The following ANKRD28 variants were observed in gnomAD, a reference collection of about 807,000 sequenced individuals.
ANKRD28 encodes the protein serine/threonine-protein phosphatase 6 regulatory ankyrin repeat subunit A.
In ANKRD28, 44 loss-of-function variants were observed where a neutral mutation model predicts 126.5. The ratio of observed to expected loss-of-function variants is 0.35; its 90% CI spans 0.27 to 0.45. ANKRD28 has a LOEUF of 0.45. Ranked by LOEUF, ANKRD28 falls within the 20% of genes least tolerant of loss-of-function variation. The pLI is 1.00. For synonymous variants in ANKRD28, 442 were observed against 468.5 expected, an observed-to-expected ratio of 0.94 and a Z score of 0.73; for missense variants, 1,110 against 1,316.6, an observed-to-expected ratio of 0.84 and a Z score of 2.43.
Position 15,812,880 on chromosome 3 carries a change from A to C in ANKRD28, c.28-17574T>G, listed in dbSNP as rs1321559007. ...TTCACAATCAGAGATTTCATAAAGAATTCAGAATTTCTAAAAGGAACATGA... is the reference window on the plus strand; with the variant it reads ...TTCACAATCAGAGATTTCATAAAGACTTCAGAATTTCTAAAAGGAACATGA... On this transcript the variant is annotated intron_variant, in intron 1 of 27. Coordinates refer to the ANKRD28 transcript ENST00000399451. This position sits in a 1 kb window ranked among gnomAD's most constrained non-coding sequence, Gnocchi z 4.1. Among the ~76,000 whole-genome samples, 2 of 152,286 alleles carry C rather than the reference A, an allele frequency of 1.3e-5. No homozygotes were observed. The highest frequency in any genetic ancestry group is 3.9e-4 in the East Asian group (2 of 5,188).
At chr3:15,832,741 A>T (rs2061232747) in intron 1 of ANKRD28, among the ~76,000 whole-genome samples, 1 of 152,220 alleles carries the variant, frequency 6.6e-6, no homozygotes, top group Non-Finnish European at 1.5e-5. Flanking sequence ...CACGGAGGAT[A>T]ATGGGCTCCA....
rs761297821 is a variant in ANKRD28, at chr3:15,795,288, T to C, written c.136A>G (p.Ile46Val). The change falls in exon 2 of 28, where the codon ATA becomes GTA. Residue 46 changes from isoleucine to valine, a missense_variant. By Grantham distance (29) the Ile-to-Val change is conservative (BLOSUM62 3). Coordinates refer to ENST00000683139, the MANE Select transcript of ANKRD28 (RefSeq NM_001349278.2). ...ACTTCATCAGGATCTCCGTTAAATATAGCTTGCACCAGTGATGGCTAAAAT... is the reference window on the plus strand; with the variant it reads ...ACTTCATCAGGATCTCCGTTAAATACAGCTTGCACCAGTGATGGCTAAAAT... ...GNVLPSLVQA[I>V]FNGDPDEVRA... 5.0e-6 allele frequency: 8 copies of C among 1,611,932 alleles called. No homozygotes were observed. The highest frequency in any genetic ancestry group is 4.5e-5 in the East Asian group (2 of 44,816).
rs563372645 is a variant in ANKRD28, at chr3:15,830,528, T to C, written c.27+28849A>G. ...GTGCTTTTTACAACACTCTAACTAA[T>C]GCCTGATGATCTGAGGTGGAACAGT... On this transcript the variant is annotated intron_variant, in intron 1 of 27. Coordinates refer to the ANKRD28 transcript ENST00000399451. The surrounding 1 kb of genome is among the most constrained non-coding windows in gnomAD (Gnocchi z 4.5). Among the ~76,000 whole-genome samples, 5 of 152,288 alleles carry C rather than the reference T, an allele frequency of 3.3e-5. No homozygotes were observed. The East Asian group carries it at 7.7e-4, about 24-fold the overall frequency.
At position 15,846,378 on chromosome 3, in the gene ANKRD28, T is replaced by A. The variant is rs140947173; in HGVS notation, c.27+12999A>T. ...ATCTCCTTTGACTCCATGTCTCACA[T>A]CCAGGGCACACTGATGCAAGAGGTG... On this transcript the variant is annotated intron_variant, in intron 1 of 27. Transcript: ENST00000399451. The surrounding 1 kb of genome is among the most constrained non-coding windows in gnomAD (Gnocchi z 5.4). Among the ~76,000 whole-genome samples, 1,441 of 152,330 alleles carry A rather than the reference T, an allele frequency of 9.5e-3. 20 individuals carry two copies. The highest frequency in any genetic ancestry group is 0.032 in the African/African-American group (1,347 of 41,566).
chr3:15,691,311 A>C (rs1559344398), intron 17 of ANKRD28, among the ~76,000 whole-genome samples: 1 of 151,778 alleles, frequency 6.6e-6, no homozygotes, highest in Non-Finnish European at 1.5e-5. Flanking sequence ...TTTTAGTAGA[A>C]ACGGGGTTTC....
At chr3:15,692,320 G>T (rs2068919218) in intron 17 of ANKRD28, among the ~76,000 whole-genome samples, 1 of 152,044 alleles carries the variant, frequency 6.6e-6, no homozygotes, top group Non-Finnish European at 1.5e-5. Context: ...ATGGTGGTGT[G>T]CACCTATAGT....
chr3:15,834,490 C>T (rs2061278723), intron 1 of ANKRD28, among the ~76,000 whole-genome samples: 1 of 152,052 alleles, frequency 6.6e-6, no homozygotes, highest in African/African-American at 2.4e-5. Flanking sequence ...AATGTGATGC[C>T]TCCACGTGCT....
At chr3:15,742,135 T>C (rs1188416482) in intron 4 of ANKRD28, among the ~76,000 whole-genome samples, 1 of 152,184 alleles carries the variant, frequency 6.6e-6, no homozygotes, top group Non-Finnish European at 1.5e-5. Context: ...AGTGCCAAGA[T>C]TACAGCCTCT....
chr3:15,819,169 T>C (rs1461987823), intron 1 of ANKRD28, among the ~76,000 whole-genome samples: 3 of 152,138 alleles, frequency 2.0e-5, no homozygotes, highest in Admixed American at 2.0e-4. Context: ...TCCCAGCTAC[T>C]TGGGAGGCTG....
chr3:15,690,339 CA>C, intron 17 of ANKRD28, 119 bp from the exon 18 acceptor site: 1 of 787,380 alleles, frequency 1.3e-6, no homozygotes, highest in East Asian at 2.7e-5. Context: ...TGAGATAATC[CA>C]AACTTCTACA....
At chr3:15,848,701 TAACA>T (rs984435600) in intron 1 of ANKRD28, among the ~76,000 whole-genome samples, 3 of 149,854 alleles carry the variant, frequency 2.0e-5, no homozygotes, top group African/African-American at 7.3e-5. Flanking sequence ...TAGCAGCAGC[TAACA>T]ATCAATAAAT....
At chr3:15,840,653 T>TTATGC (rs1340102059) in intron 1 of ANKRD28, among the ~76,000 whole-genome samples, 3 of 152,214 alleles carry the variant, frequency 2.0e-5, no homozygotes, top group African/African-American at 2.4e-5. Context: ...GCAACTGAAC[T>TTATGC]ATCCTAACCA....
chr3:15,709,355 A>G (rs1436985492), intron 13 of ANKRD28, among the ~76,000 whole-genome samples: 1 of 152,176 alleles, frequency 6.6e-6, no homozygotes, highest in African/African-American at 2.4e-5. Context: ...GTTTCTTGAA[A>G]AAACATAGGT....
chr3:15,828,179 T>C (rs1270912173), intron 1 of ANKRD28, among the ~76,000 whole-genome samples: 2 of 152,184 alleles, frequency 1.3e-5, no homozygotes, highest in Non-Finnish European at 2.9e-5. Flanking sequence ...CTTACAGATC[T>C]GATGAATGGA....
intron 1 of ANKRD28, among the ~76,000 whole-genome samples, chr3:15,836,157 CTATA>C (rs2061322222): frequency 6.6e-6 from 1 of 151,900 alleles, no homozygotes; most frequent in African/African-American, 2.4e-5. Context: ...ATATAAAAGA[CTATA>C]AATGTTTTTC....
At chr3:15,679,636 G>T in intron 21 of ANKRD28, 73 bp from the exon 22 acceptor site, 2 of 1,174,958 alleles carry the variant, frequency 1.7e-6, no homozygotes, top group Non-Finnish European at 2.5e-6. Flanking sequence ...ACATGTAAGT[G>T]TTTAAAGGAA....
chr3:15,749,417 TTTTAA>T (rs1239574018), intron 4 of ANKRD28, among the ~76,000 whole-genome samples: 6 of 152,214 alleles, frequency 3.9e-5, no homozygotes, highest in African/African-American at 1.4e-4. Flanking sequence ...CGGCCTATGT[TTTTAA>T]TTTAAGTTGG....
chr3:15,706,025 C>T (rs2071319057), intron 14 of ANKRD28, among the ~76,000 whole-genome samples: 1 of 140,920 alleles, frequency 7.1e-6, no homozygotes, highest in African/African-American at 2.7e-5. Flanking sequence ...CAACAAACAA[C>T]AAAAAAACCC....
chr3:15,749,310 C>T (rs2125343736), intron 4 of ANKRD28, among the ~76,000 whole-genome samples: 1 of 151,332 alleles, frequency 6.6e-6, no homozygotes, highest in South Asian at 2.1e-4. Context: ...GACGGGGTTT[C>T]ACCTTGTTAG....
Sources: gnomAD v4.1 joint callset for allele counts (sites outside exome capture counted in the v4.1 genomes callset) on GRCh38, gnomAD v4.1.1 for gene constraint, Gnocchi (gnomAD v3.1) non-coding constraint, MANE v1.5 for transcripts, NCBI Gene and HGNC (gene_info 2026-07-23, HGNC 2026-07-21) for gene names.